Variants in DNAJC3 observed in about 807,000 individuals in gnomAD.
The protein encoded by DNAJC3 is DnaJ heat shock protein family (Hsp40) member C3, also known as dnaJ homolog subfamily C member 3.
DNAJC3 carries 38 observed loss-of-function variants against 68.6 expected under a neutral mutation model. The observed-to-expected ratio is 0.55, with a 90% confidence interval of 0.43 to 0.73. The LOEUF is 0.73. DNAJC3 is among the 30% of genes least tolerant of loss of function. The pLI, the probability that DNAJC3 is intolerant of heterozygous loss-of-function variation, is 0.00. For missense variants in DNAJC3, 526 were observed against 591.9 expected (o/e 0.89, Z 1.16); for synonymous variants, 203 against 204.0 (o/e 1.00, Z 0.04).
intron 1 of DNAJC3, chr13:95,694,056 A>G (rs1880359367): frequency 6.6e-6 from 1 of 152,200 alleles, no homozygotes; most frequent in Non-Finnish European, 1.5e-5. Context: ...ATCAACACCC[A>G]TAATTATATA....
chr13:95,786,060 G>C lies in DNAJC3; in HGVS notation c.1197G>C (p.Leu399Phe). 6.2e-7 allele frequency: 1 copy of C among 1,603,430 alleles called. No individual in the cohort carries two copies. Among genetic ancestry groups the C allele is most frequent in the Non-Finnish European group, 8.5e-7 (1 of 1,176,590 alleles). ...QSQKRDYYKI[L>F]GVKRNAKKQE... ...AGAAACGAGATTATTATAAAATCTT[G>C]GGAGTAAAAAGGTGAATTATTAATT... The change falls in exon 10 of 12, where the codon TTG becomes TTC. Residue 399 changes from leucine to phenylalanine, a missense_variant. Leu to Phe is a conservative substitution (Grantham distance 22, BLOSUM62 0). Transcript: ENST00000602402.
chr13:95,750,178 C>T (rs908372460), intron 4 of DNAJC3, among the ~76,000 whole-genome samples: 3 of 150,076 alleles, frequency 2.0e-5, no homozygotes, highest in African/African-American at 4.9e-5. Context: ...CGTTTCCCGT[C>T]TTCGACCCAT....
intron 9 of DNAJC3, among the ~76,000 whole-genome samples, chr13:95,782,163 A>G (rs1008773740): frequency 2.0e-5 from 3 of 152,148 alleles, no homozygotes; most frequent in Non-Finnish European, 1.5e-5. Context: ...ATAGTATTCC[A>G]TGGTGTATAT....
chr13:95,680,716 C>CT (rs1194690506), intron 1 of DNAJC3, among the ~76,000 whole-genome samples: 1 of 151,954 alleles, frequency 6.6e-6, no homozygotes, highest in East Asian at 1.9e-4. Flanking sequence ...AGGGGATGCA[C>CT]TGTAGTAATT....
At chr13:95,711,865 G>C (rs1379439375) in intron 2 of DNAJC3, among the ~76,000 whole-genome samples, 1 of 152,188 alleles carries the variant, frequency 6.6e-6, no homozygotes, top group Non-Finnish European at 1.5e-5. Context: ...CTTGGACACA[G>C]CTACAGAATA....
At chr13:95,699,430 G>T (rs1880530451) in intron 1 of DNAJC3, among the ~76,000 whole-genome samples, 1 of 152,160 alleles carries the variant, frequency 6.6e-6, no homozygotes, top group South Asian at 2.1e-4. Flanking sequence ...TTTTGCACAT[G>T]TGTTCTTGGC....
chr13:95,737,215 C>T (rs1359938906), intron 4 of DNAJC3, among the ~76,000 whole-genome samples: 2 of 151,740 alleles, frequency 1.3e-5, no homozygotes, highest in Non-Finnish European at 2.9e-5. Flanking sequence ...CTGCTGGATT[C>T]GTTTTGCCAG....
At chr13:95,677,373 C>A (rs1879785451) in intron 1 of DNAJC3, 36 bp downstream of exon 1, 2 of 1,552,518 alleles carry the variant, frequency 1.3e-6, no homozygotes, top group African/African-American at 1.4e-5. Flanking sequence ...GAAGTGGGCT[C>A]CCGGACCAGG....
chr13:95,692,562 C>T (rs1593955181), intron 1 of DNAJC3: 1 of 152,100 alleles, frequency 6.6e-6, no homozygotes, highest in Non-Finnish European at 1.5e-5. Context: ...AATCTCAGCC[C>T]TACTCCACTC....
intron 1 of DNAJC3, among the ~76,000 whole-genome samples, chr13:95,704,646 A>G (rs997339832): frequency 2.0e-5 from 3 of 152,152 alleles, no homozygotes; most frequent in African/African-American, 4.8e-5. Flanking sequence ...GCAAATTCAT[A>G]TCTGGAATAT....
At chr13:95,729,821 A>G (rs914852130) in intron 4 of DNAJC3, among the ~76,000 whole-genome samples, 1 of 151,966 alleles carries the variant, frequency 6.6e-6, no homozygotes, top group Non-Finnish European at 1.5e-5. Flanking sequence ...ATGTCTGTTT[A>G]TGTCCTTTGC....
chr13:95,702,517 G>C (rs1880612752), intron 1 of DNAJC3, among the ~76,000 whole-genome samples: 1 of 152,204 alleles, frequency 6.6e-6, no homozygotes, highest in Non-Finnish European at 1.5e-5. Flanking sequence ...TTAAGAGGCA[G>C]GGCCTTAAGG....
chr13:95,709,082 C>T (rs184103784), intron 1 of DNAJC3, 145 bp from the exon 2 acceptor site: 6 of 494,364 alleles, frequency 1.2e-5, no homozygotes, highest in African/African-American at 6.0e-5. Flanking sequence ...TTTTATGTTA[C>T]GTTCTTTACA....
chr13:95,746,217 A>G (rs1882302082), intron 4 of DNAJC3, among the ~76,000 whole-genome samples: 1 of 152,230 alleles, frequency 6.6e-6, no homozygotes, highest in Admixed American at 6.5e-5. Context: ...CAGTTTTACA[A>G]AGTGCAGAAT....
chr13:95,790,367 A>C (rs1883730743), intron 11 of DNAJC3, among the ~76,000 whole-genome samples: 1 of 151,996 alleles, frequency 6.6e-6, no homozygotes, highest in Admixed American at 6.6e-5. Context: ...ATTGCATGGG[A>C]GGGAAAGGTG....
At chr13:95,746,644 TTTGA>T (rs2139663326) in intron 4 of DNAJC3, among the ~76,000 whole-genome samples, 1 of 152,310 alleles carries the variant, frequency 6.6e-6, no homozygotes, top group African/African-American at 2.4e-5. Context: ...TATATAAAAG[TTTGA>T]TTGTTTTATA....
intron 1 of DNAJC3, among the ~76,000 whole-genome samples, chr13:95,690,539 T>C (rs1880202934): frequency 6.7e-6 from 1 of 149,854 alleles, no homozygotes; most frequent in Non-Finnish European, 1.5e-5. Flanking sequence ...GCAGAGGGGC[T>C]CCTCACTTCC....
chr13:95,790,767 A>T, intron 11 of DNAJC3, 106 bp from the exon 12 acceptor site: 1 of 1,293,636 alleles, frequency 7.7e-7, no homozygotes, highest in Non-Finnish European at 1.1e-6. Context: ...ACCGAAAAGT[A>T]AGTAGCTCCT....
chr13:95,714,334 A>G (rs1881068212), intron 2 of DNAJC3, among the ~76,000 whole-genome samples: 1 of 151,124 alleles, frequency 6.6e-6, no homozygotes, highest in Admixed American at 6.6e-5. Flanking sequence ...GCAGTGAGCT[A>G]TGATTGTGTC....
Sources: gnomAD v4.1 joint callset for allele counts (sites outside exome capture counted in the v4.1 genomes callset) on GRCh38, gnomAD v4.1.1 for gene constraint, MANE v1.5 for transcripts, NCBI Gene and HGNC (gene_info 2026-07-23, HGNC 2026-07-21) for gene names.